The following CARMIL1 variants were observed in gnomAD, a reference collection of about 807,000 sequenced individuals.
CARMIL1 encodes the protein capping protein regulator and myosin 1 linker 1, also known as F-actin-uncapping protein LRRC16A.
CARMIL1 carries 90 observed loss-of-function variants against 177.1 expected under a neutral mutation model. That is an observed-to-expected ratio of 0.51 (90% CI 0.43 to 0.61). The LOEUF is 0.61. Among genes scored for constraint, CARMIL1 ranks in the 20% least tolerant of loss-of-function variants. The pLI, the probability that CARMIL1 is intolerant of heterozygous loss-of-function variation, is 0.00. For synonymous variants in CARMIL1, 577 were observed against 606.2 expected (o/e 0.95, Z 0.71); for missense variants, 1,380 against 1,667.0 (o/e 0.83, Z 3.00).
chr6:25,509,062 A>G lies in CARMIL1; in HGVS notation c.1396-594A>G, dbSNP rs571366257. Among the ~76,000 whole-genome samples the G allele has an allele frequency of 3.2e-4, 48 of 152,294 alleles. No homozygotes were observed. The highest frequency in any genetic ancestry group is 3.1e-4 in the Non-Finnish European group (21 of 68,020). On this transcript the variant is annotated intron_variant, in intron 17 of 36. Transcript: ENST00000329474. This position sits in a 1 kb window ranked among gnomAD's most constrained non-coding sequence, Gnocchi z 4.1. The stretch of plus-strand genomic sequence containing the variant: ...AATCATGATAATAATATTTTATATT[A>G]ATTTAACATTTTTCCATCCATGGCT...
chr6:25,330,728 G>A (rs377016422), intron 2 of CARMIL1, among the ~76,000 whole-genome samples: 51 of 151,798 alleles, frequency 3.4e-4, no homozygotes, highest in African/African-American at 1.2e-3. Flanking sequence ...GGGATCTGGA[G>A]TGGCACAAGC....
At chr6:25,312,916 A>C (rs189685860) in intron 2 of CARMIL1, among the ~76,000 whole-genome samples, 2 of 96,602 alleles carry the variant, frequency 2.1e-5, no homozygotes, top group African/African-American at 5.9e-5. Context: ...AAAAAAAAAA[A>C]AAAAAAAAAA....
chr6:25,527,933 T>A (rs1176610817), intron 23 of CARMIL1, among the ~76,000 whole-genome samples: 1 of 152,218 alleles, frequency 6.6e-6, no homozygotes, highest in Admixed American at 6.5e-5. Context: ...GGTTAAGTGA[T>A]GTTATTAAAA....
At chr6:25,362,628 C>T (rs547065021) in intron 2 of CARMIL1, among the ~76,000 whole-genome samples, 1 of 151,908 alleles carries the variant, frequency 6.6e-6, no homozygotes, top group Admixed American at 6.6e-5. Context: ...GAGCTGAGAT[C>T]GTGCTATTGC....
At chr6:25,426,949 C>T (rs1478385578) in intron 4 of CARMIL1, among the ~76,000 whole-genome samples, 1 of 152,014 alleles carries the variant, frequency 6.6e-6, no homozygotes, top group East Asian at 1.9e-4. Flanking sequence ...AAAAAAATAG[C>T]TTTATTGGGC....
chr6:25,431,912 G>T (rs1796825257), intron 4 of CARMIL1, among the ~76,000 whole-genome samples: 1 of 152,088 alleles, frequency 6.6e-6, no homozygotes, highest in Non-Finnish European at 1.5e-5. Flanking sequence ...GTGAACATTG[G>T]CACTGCTTCT....
intron 32 of CARMIL1, among the ~76,000 whole-genome samples, chr6:25,595,322 C>T (rs543167887): frequency 2.6e-5 from 4 of 152,156 alleles, no homozygotes; most frequent in African/African-American, 9.7e-5. Context: ...AAGCCAAAGG[C>T]GGCAGGCTGG....
chr6:25,343,277 C>T (rs940403), intron 2 of CARMIL1, among the ~76,000 whole-genome samples: 2 of 150,602 alleles, frequency 1.3e-5, no homozygotes, highest in South Asian at 2.1e-4. Flanking sequence ...GAGGATTGAA[C>T]GTAATTACTC....
chr6:25,303,741 C>A (rs941166003), intron 2 of CARMIL1, among the ~76,000 whole-genome samples: 1 of 152,178 alleles, frequency 6.6e-6, no homozygotes, highest in Non-Finnish European at 1.5e-5. Flanking sequence ...TGTTAAATAA[C>A]GGGTGAACAA....
chr6:25,450,475 G>A, intron 7 of CARMIL1, 66 bp downstream of exon 7: 1 of 1,406,216 alleles, frequency 7.1e-7, no homozygotes, highest in South Asian at 1.2e-5. Context: ...ATGTTTGGCT[G>A]GCTTGTTTTT....
At chr6:25,319,880 G>A (rs1191875105) in intron 2 of CARMIL1, among the ~76,000 whole-genome samples, 1 of 150,048 alleles carries the variant, frequency 6.7e-6, no homozygotes, top group East Asian at 2.0e-4. Context: ...CGATTCTCCT[G>A]CATCAGCCTA....
intron 16 of CARMIL1, 93 bp downstream of exon 16, chr6:25,495,308 A>G (rs1398072896): frequency 1.2e-6 from 1 of 812,106 alleles, no homozygotes; most frequent in Non-Finnish European, 1.9e-6. Flanking sequence ...TATAATCCAA[A>G]GACAAAAACC....
At chr6:25,283,558 G>A (rs529823952) in intron 1 of CARMIL1, among the ~76,000 whole-genome samples, 1 of 152,036 alleles carries the variant, frequency 6.6e-6, no homozygotes, top group East Asian at 1.9e-4. Context: ...GGGAGCCCTA[G>A]GAAGACTTTT....
chr6:25,512,676 A>G (rs1385063069), intron 20 of CARMIL1, among the ~76,000 whole-genome samples: 2 of 152,202 alleles, frequency 1.3e-5, no homozygotes, highest in Non-Finnish European at 2.9e-5. Context: ...TTATTCACCC[A>G]GTATTATACA....
intron 2 of CARMIL1, among the ~76,000 whole-genome samples, chr6:25,377,907 G>C (rs1258548883): frequency 6.6e-6 from 1 of 152,116 alleles, no homozygotes; most frequent in Admixed American, 6.5e-5. Flanking sequence ...ATGTACCCAG[G>C]GGAAGTACTC....
chr6:25,595,735 G>T (rs1814773540), intron 32 of CARMIL1, among the ~76,000 whole-genome samples: 1 of 152,094 alleles, frequency 6.6e-6, no homozygotes, highest in Non-Finnish European at 1.5e-5. Flanking sequence ...ATAACTGAAG[G>T]AATAGGTGAA....
chr6:25,384,615 T>G (rs562688933), intron 2 of CARMIL1, among the ~76,000 whole-genome samples: 2 of 152,236 alleles, frequency 1.3e-5, no homozygotes, highest in East Asian at 3.9e-4. Flanking sequence ...TGTGTTTTTT[T>G]AACAAACATT....
At chr6:25,512,654 C>G (rs1293705862) in intron 20 of CARMIL1, among the ~76,000 whole-genome samples, 2 of 152,096 alleles carry the variant, frequency 1.3e-5, no homozygotes, top group Non-Finnish European at 2.9e-5. Flanking sequence ...TTTGACCAGC[C>G]TATGGAATAC....
chr6:25,331,380 A>C (rs917722206), intron 2 of CARMIL1, among the ~76,000 whole-genome samples: 1 of 152,208 alleles, frequency 6.6e-6, no homozygotes, highest in Non-Finnish European at 1.5e-5. Context: ...TGATAGGCTA[A>C]AGAGATTTTG....
Sources: gnomAD v4.1 joint callset for allele counts (sites outside exome capture counted in the v4.1 genomes callset) on GRCh38, gnomAD v4.1.1 for gene constraint, Gnocchi (gnomAD v3.1) non-coding constraint, MANE v1.5 for transcripts, NCBI Gene and HGNC (gene_info 2026-07-23, HGNC 2026-07-21) for gene names.